Variants in GABBR2 observed in about 807,000 individuals in gnomAD.
The protein encoded by GABBR2 is G-protein coupled receptor 51.
GABBR2 carries 23 observed loss-of-function variants against 105.6 expected under a neutral mutation model. The ratio of observed to expected loss-of-function variants is 0.22; its 90% CI spans 0.16 to 0.31. The LOEUF is 0.31. Ranked by LOEUF, GABBR2 falls within the 10% of genes least tolerant of loss-of-function variation. The pLI, the probability that GABBR2 is intolerant of heterozygous loss-of-function variation, is 1.00. For missense variants in GABBR2, 734 were observed against 1,245.5 expected, an observed-to-expected ratio of 0.59 and a Z score of 6.18; for synonymous variants, 478 against 499.7, an observed-to-expected ratio of 0.96 and a Z score of 0.58.
At chr9:98,321,902 C>T (rs962809089) in intron 13 of GABBR2, among the ~76,000 whole-genome samples, 1 of 152,160 alleles carries the variant, frequency 6.6e-6, no homozygotes, top group Non-Finnish European at 1.5e-5. Flanking sequence ...CTGCCCAGGG[C>T]CACAGCCCAG....
In GABBR2 at chr9:98,293,784, C is replaced by T; in HGVS notation, c.2660+1G>A. 1 of 1,462,556 alleles carries T rather than the reference C, an allele frequency of 6.8e-7. No individual in the cohort carries two copies. Among genetic ancestry groups the T allele is most frequent in the Non-Finnish European group, 9.6e-7 (1 of 1,045,688 alleles). 90.6% of individuals were successfully genotyped at this position (1,462,556 alleles called of 1,614,324 possible). A position where few individuals can be genotyped will look rare whatever the true frequency, so the allele number is the denominator to read the frequency against. On this transcript the variant is annotated splice_donor_variant, in intron 18 of 18. Coordinates refer to ENST00000259455, the MANE Select transcript of GABBR2 (RefSeq NM_005458.8). LOFTEE classifies it high-confidence loss of function. ...ATAATTCTCAAGGAGAAGGTACTTA[C>T]TGTTCTGGAGAGTTTATATCTTCTA...
chr9:98,426,550 G>A (rs1825692638), intron 7 of GABBR2, among the ~76,000 whole-genome samples: 1 of 152,196 alleles, frequency 6.6e-6, no homozygotes. Context: ...GCAGACAGGT[G>A]TCCCTGGCAT....
At chr9:98,706,109 C>CAAAAAAAAAAAAAAAAAAA (rs3983388) in intron 1 of GABBR2, among the ~76,000 whole-genome samples, 2 of 136,988 alleles carry the variant, frequency 1.5e-5, no homozygotes, top group African/African-American at 5.6e-5. Flanking sequence ...ACAAAAAAAA[C>CAAAAAAAAAAAAAAAAAAA]AAAAAAAAAA....
chr9:98,521,219 A>G (rs1035078539), intron 3 of GABBR2, among the ~76,000 whole-genome samples: 14 of 152,052 alleles, frequency 9.2e-5, no homozygotes, highest in Non-Finnish European at 1.5e-4. Context: ...TGCCATCAAT[A>G]TGCCACCAAC....
Position 98,541,964 on chromosome 9 carries a change from T to C in GABBR2, c.539A>G (p.Asn180Ser), listed in dbSNP as rs1460917135. 1.2e-6 allele frequency: 2 copies of C among 1,614,056 alleles called. No individual in the cohort carries two copies. Among genetic ancestry groups the C allele is most frequent in the Admixed American group, 1.7e-5 (1 of 60,016 alleles). Residue 180 changes from asparagine (N) to serine (S), a missense_variant, in exon 3 of 19, where the codon AAT (asparagine) becomes AGT (serine). Coordinates refer to ENST00000259455, the MANE Select transcript of GABBR2 (RefSeq NM_005458.8). ...CTTCAGAATGGCTGGATTCACCGCA[T>C]TGTCTGATGGGACGGTCCGAAAGAA... ...PYFFRTVPSD[N>S]AVNPAILKLL...
At chr9:98,412,211 C>T (rs769986120) in intron 7 of GABBR2, among the ~76,000 whole-genome samples, 166 of 152,370 alleles carry the variant, frequency 1.1e-3, no homozygotes, top group Non-Finnish European at 1.6e-3. Flanking sequence ...GCCAGTGTTA[C>T]AGGCAACGCC....
chr9:98,683,218 C>CA (rs1830572726), intron 1 of GABBR2, among the ~76,000 whole-genome samples: 1 of 152,230 alleles, frequency 6.6e-6, no homozygotes, highest in South Asian at 2.1e-4. Flanking sequence ...CTCAACCTCC[C>CA]AAGTACCTGA....
intron 13 of GABBR2, among the ~76,000 whole-genome samples, chr9:98,360,040 A>G (rs1031071738): frequency 6.6e-6 from 1 of 152,156 alleles, no homozygotes; most frequent in Non-Finnish European, 1.5e-5. Context: ...CGCGTACCAT[A>G]TTACAAGGCC....
In GABBR2 at chr9:98,708,875, C is replaced by A; in HGVS notation, c.-138G>T. 1 of 392,984 alleles carries A rather than the reference C, an allele frequency of 2.5e-6. No individual in the cohort carries two copies. The allele number at this position is 392,984 out of a possible 1,614,324, so 24.3% of individuals were successfully genotyped here. On this transcript the variant is annotated 5_prime_UTR_variant, in exon 1 of 19. Transcript: ENST00000259455. ...CCCGGCTCCGTCTCGGGCTAGGGTTCCGGCTCGGCTCAGAACGGCCGCGGC... is the reference window on the plus strand; with the variant it reads ...CCCGGCTCCGTCTCGGGCTAGGGTTACGGCTCGGCTCAGAACGGCCGCGGC...
intron 1 of GABBR2, among the ~76,000 whole-genome samples, chr9:98,584,826 C>T (rs1214537108): frequency 6.6e-6 from 1 of 152,184 alleles, no homozygotes; most frequent in Non-Finnish European, 1.5e-5. Flanking sequence ...AAAGTCCCCT[C>T]TGGGTCTCCC....
At chr9:98,464,192 C>A (rs1450791380) in intron 6 of GABBR2, among the ~76,000 whole-genome samples, 7 of 150,920 alleles carry the variant, frequency 4.6e-5, no homozygotes, top group Non-Finnish European at 8.9e-5. Flanking sequence ...AATTGAGGAG[C>A]ATCTCTACCT....
chr9:98,598,901 G>GTT (rs1389054719), intron 1 of GABBR2, among the ~76,000 whole-genome samples: 1 of 138,914 alleles, frequency 7.2e-6, no homozygotes, highest in Non-Finnish European at 1.7e-5. Flanking sequence ...CCTCTATATG[G>GTT]TTTTCACTCT....
chr9:98,610,771 A>G (rs1829493465), intron 1 of GABBR2, among the ~76,000 whole-genome samples: 1 of 151,712 alleles, frequency 6.6e-6, no homozygotes, highest in Admixed American at 6.6e-5. Context: ...TCTGGCCTCT[A>G]GGACTGTGAG....
intron 6 of GABBR2, among the ~76,000 whole-genome samples, chr9:98,457,702 G>C (rs2779544): frequency 0.72 from 109,036 of 152,020 alleles, 39,670 homozygotes; most frequent in East Asian, 0.9. Flanking sequence ...GCTGTCTTTG[G>C]AAGCACCAGG....
At chr9:98,560,546 C>T (rs1293649085) in intron 2 of GABBR2, among the ~76,000 whole-genome samples, 1 of 151,510 alleles carries the variant, frequency 6.6e-6, no homozygotes, top group African/African-American at 2.4e-5. Context: ...GCATTCACAA[C>T]TTTTTATTTT....
At chr9:98,640,845 G>A (rs745757861) in intron 1 of GABBR2, among the ~76,000 whole-genome samples, 19 of 152,164 alleles carry the variant, frequency 1.2e-4, no homozygotes, top group Non-Finnish European at 2.8e-4. Flanking sequence ...AGGGACACAC[G>A]AGCTGATCAG....
At position 98,615,034 on chromosome 9, in the gene GABBR2, A is replaced by G. The variant is rs117058960; in HGVS notation, c.322-36962T>C. Among the ~76,000 whole-genome samples the G allele has an allele frequency of 5.6e-3, 860 of 152,256 alleles. 20 individuals carry two copies. The East Asian group carries it at 0.057, about 10-fold the overall frequency. ...TCCTTCATCTCCCTCTGTTCAGCTG[A>G]CACACCACTCTGATGGATCCTTCCA... On this transcript the variant is annotated intron_variant, in intron 1 of 18. Transcript: ENST00000259455.
chr9:98,530,938 C>T (rs577986885), intron 3 of GABBR2, among the ~76,000 whole-genome samples: 28 of 152,136 alleles, frequency 1.8e-4, no homozygotes, highest in African/African-American at 5.8e-4. Flanking sequence ...AGGGTTGCTT[C>T]GCAAGGCTTG....
intron 13 of GABBR2, among the ~76,000 whole-genome samples, chr9:98,333,520 T>C (rs1257392620): frequency 6.6e-6 from 1 of 152,192 alleles, no homozygotes; most frequent in Non-Finnish European, 1.5e-5. Flanking sequence ...TGCATCATTC[T>C]GCCTCCATCT....
Sources: gnomAD v4.1 joint callset for allele counts (sites outside exome capture counted in the v4.1 genomes callset) on GRCh38, gnomAD v4.1.1 for gene constraint, MANE v1.5 for transcripts, NCBI Gene and HGNC (gene_info 2026-07-23, HGNC 2026-07-21) for gene names.